Variants in SCAF4 observed in about 807,000 individuals in gnomAD.
SCAF4 encodes SR-related and CTD-associated factor 4.
Under a neutral mutation model 129.8 loss-of-function variants are expected in SCAF4, and 25 were observed. The ratio of observed to expected loss-of-function variants is 0.19; its 90% CI spans 0.14 to 0.27. SCAF4 has a LOEUF of 0.27. Ranked by LOEUF, SCAF4 falls within the 10% of genes least tolerant of loss-of-function variation. The pLI, the probability that SCAF4 is intolerant of heterozygous loss-of-function variation, is 1.00. For synonymous variants in SCAF4, 551 were observed against 497.7 expected (o/e 1.11, Z -1.43); for missense variants, 1,246 against 1,457.1 (o/e 0.86, Z 2.36).
chr21:31,709,331 T>C (rs1311048663), intron 1 of SCAF4, among the ~76,000 whole-genome samples: 3 of 147,958 alleles, frequency 2.0e-5, no homozygotes, highest in Non-Finnish European at 4.4e-5. Flanking sequence ...GAATAAATAC[T>C]TACTGGTACT....
chr21:31,725,197 A>C (rs2051172254), intron 1 of SCAF4, among the ~76,000 whole-genome samples: 1 of 152,092 alleles, frequency 6.6e-6, no homozygotes, highest in African/African-American at 2.4e-5. Context: ...AGAACTTTGA[A>C]CCCTCTGTCT....
At chr21:31,707,032 T>A (rs1461376757) in intron 1 of SCAF4, among the ~76,000 whole-genome samples, 1 of 152,210 alleles carries the variant, frequency 6.6e-6, no homozygotes, top group East Asian at 1.9e-4. Context: ...TGCTTTTTTT[T>A]AAGAGGTAAA....
chr21:31,718,963 A>T (rs1389273547), intron 1 of SCAF4, among the ~76,000 whole-genome samples: 1 of 152,214 alleles, frequency 6.6e-6, no homozygotes, highest in Non-Finnish European at 1.5e-5. Flanking sequence ...TAGGTTAACT[A>T]CTTATATTTC....
chr21:31,676,984 G>GT (rs1396989318), intron 19 of SCAF4, among the ~76,000 whole-genome samples: 1 of 152,062 alleles, frequency 6.6e-6, no homozygotes, highest in East Asian at 1.9e-4. Context: ...TTTGCTTGGC[G>GT]TATCTTCTCA....
intron 7 of SCAF4, among the ~76,000 whole-genome samples, chr21:31,697,741 T>A (rs1315746244): frequency 6.6e-6 from 1 of 152,200 alleles, no homozygotes; most frequent in Non-Finnish European, 1.5e-5. Flanking sequence ...CATTTCTAAA[T>A]CAAATGAAAA....
chr21:31,692,966 G>A (rs1379315350), intron 12 of SCAF4, among the ~76,000 whole-genome samples: 1 of 152,136 alleles, frequency 6.6e-6, no homozygotes, highest in Non-Finnish European at 1.5e-5. Flanking sequence ...CATCTTAATA[G>A]TTACTGATTT....
intron 1 of SCAF4, among the ~76,000 whole-genome samples, chr21:31,709,514 C>T (rs972987396): frequency 1.3e-5 from 2 of 152,116 alleles, no homozygotes; most frequent in African/African-American, 4.8e-5. Flanking sequence ...CAGTAAGCAA[C>T]TCACTAAATT....
chr21:31,686,595 AT>A (rs778319371), intron 16 of SCAF4, among the ~76,000 whole-genome samples: 162 of 147,372 alleles, frequency 1.1e-3, no homozygotes, highest in African/African-American at 3.4e-3. Flanking sequence ...AACGTTAGCT[AT>A]TTTTTTTTTT....
chr21:31,720,955 T>C (rs1478966978), intron 1 of SCAF4, among the ~76,000 whole-genome samples: 1 of 152,230 alleles, frequency 6.6e-6, no homozygotes, highest in Non-Finnish European at 1.5e-5. Context: ...GGTTATGATA[T>C]AACCTGACAT....
chr21:31,672,461 C>T (rs1601167607), intron 19 of SCAF4, 107 bp from the exon 20 acceptor site: 1 of 916,292 alleles, frequency 1.1e-6, no homozygotes, highest in Non-Finnish European at 1.7e-6. Flanking sequence ...CCACAATCTT[C>T]AAATTTCATA....
chr21:31,716,480 C>A (rs1392218184), intron 1 of SCAF4, among the ~76,000 whole-genome samples: 1 of 152,116 alleles, frequency 6.6e-6, no homozygotes, highest in Non-Finnish European at 1.5e-5. Flanking sequence ...CTCTTTCATA[C>A]TCAACTTAAT....
intron 3 of SCAF4, among the ~76,000 whole-genome samples, chr21:31,704,695 A>G (rs898914004): frequency 3.3e-5 from 5 of 152,222 alleles, no homozygotes; most frequent in African/African-American, 7.2e-5. Context: ...GTACATGTAC[A>G]TAAAAAATAA....
intron 1 of SCAF4, among the ~76,000 whole-genome samples, chr21:31,718,792 A>G (rs1428367213): frequency 6.6e-6 from 1 of 152,244 alleles, no homozygotes; most frequent in African/African-American, 2.4e-5. Context: ...TTCAAATTCA[A>G]AATTTTCATA....
intron 1 of SCAF4, among the ~76,000 whole-genome samples, chr21:31,723,609 G>GTTGTGTGTGTGTGT (rs112184778): frequency 2.7e-5 from 4 of 146,038 alleles, no homozygotes; most frequent in African/African-American, 1.0e-4. Context: ...TGATTTATAT[G>GTTGTGTGTGTGTGT]ATGTGTGTGT....
At chr21:31,722,684 G>A (rs962709262) in intron 1 of SCAF4, among the ~76,000 whole-genome samples, 2 of 152,196 alleles carry the variant, frequency 1.3e-5, no homozygotes, top group African/African-American at 2.4e-5. Flanking sequence ...GGTCGGGTGT[G>A]GTGGCTCACG....
chr21:31,707,485 T>G (rs1314313490), intron 1 of SCAF4, among the ~76,000 whole-genome samples: 1 of 150,542 alleles, frequency 6.6e-6, no homozygotes, highest in South Asian at 2.1e-4. Context: ...AAACATAGAG[T>G]CCATAGAGGG....
intron 19 of SCAF4, among the ~76,000 whole-genome samples, chr21:31,682,141 TAGG>T (rs2050009688): frequency 6.6e-6 from 1 of 152,112 alleles, no homozygotes; most frequent in African/African-American, 2.4e-5. Flanking sequence ...TCCTAAAAAG[TAGG>T]CCAGGTGCGG....
At chr21:31,691,619 T>C (rs976932329) in intron 14 of SCAF4, among the ~76,000 whole-genome samples, 198 bp downstream of exon 14, 3 of 149,034 alleles carry the variant, frequency 2.0e-5, no homozygotes, top group African/African-American at 7.5e-5. Context: ...ACCATGCACG[T>C]AACATTTACA....
At position 31,731,457 on chromosome 21, in the gene SCAF4, G is replaced by A. The variant is rs2051356373; in HGVS notation, c.30+206C>T. On this transcript the variant is annotated intron_variant, in intron 1 of 19. Transcript: ENST00000286835. ...CGAGGTCGCGGTCCGGGGGTGGGCAGTGGGGGGAGGGGTGCGGGGTCAGTT... is the reference window on the plus strand; with the variant it reads ...CGAGGTCGCGGTCCGGGGGTGGGCAATGGGGGGAGGGGTGCGGGGTCAGTT... Among the ~76,000 whole-genome samples the A allele has an allele frequency of 1.3e-5, 2 of 152,148 alleles. 1 individual carries two copies. The highest frequency in any genetic ancestry group is 4.1e-4 in the South Asian group (2 of 4,838).
Sources: gnomAD v4.1 joint callset for allele counts (sites outside exome capture counted in the v4.1 genomes callset) on GRCh38, gnomAD v4.1.1 for gene constraint, MANE v1.5 for transcripts, NCBI Gene and HGNC (gene_info 2026-07-23, HGNC 2026-07-21) for gene names.